MATN2: variants seen among roughly 807,000 people sequenced by gnomAD.
The protein encoded by MATN2 is matrilin-2.
MATN2 carries 69 observed loss-of-function variants against 103.2 expected under a neutral mutation model. The observed-to-expected ratio is 0.67, with a 90% CI of 0.55 to 0.82. The LOEUF (loss-of-function observed/expected upper bound fraction) is 0.82, where lower values mean the gene tolerates loss of function less well. MATN2 is among the 40% of genes least tolerant of loss of function. The pLI is 0.00. For missense variants in MATN2, 1,023 were observed against 1,211.5 expected (o/e 0.84, Z 2.31); for synonymous variants, 429 against 450.2 (o/e 0.95, Z 0.60).
chr8:97,984,879 C>A (rs549639941), intron 6 of MATN2, among the ~76,000 whole-genome samples: 1 of 152,244 alleles, frequency 6.6e-6, no homozygotes, highest in Non-Finnish European at 1.5e-5. Flanking sequence ...GAGAATACTA[C>A]AGGTCTCAAC....
intron 13 of MATN2, chr8:98,024,872 T>C (rs1586168789): frequency 6.6e-6 from 1 of 152,206 alleles, no homozygotes; most frequent in South Asian, 2.1e-4. Flanking sequence ...AGTGGGGCTG[T>C]CCTTCCTGTG....
intron 2 of MATN2, among the ~76,000 whole-genome samples, chr8:97,925,263 ACT>A (rs1809955690): frequency 6.6e-6 from 1 of 152,134 alleles, no homozygotes; most frequent in African/African-American, 2.4e-5. Flanking sequence ...ATTGGCCAAG[ACT>A]CAGCTATTGT....
rs753482533 is a variant in MATN2 at position 98,027,434 on chromosome 8, T to C, written c.1961T>C (p.Ile654Thr). Residue 654 changes from isoleucine (I) to threonine (T), a missense_variant, in exon 14 of 19, where the codon ATT becomes ACT. By Grantham distance (89) the Ile-to-Thr change is moderately conservative. Coordinates refer to ENST00000254898, the MANE Select transcript of MATN2 (RefSeq NM_002380.5). ...RRCKKCTEGP[I>T]DLVFVIDGSK... ...CATATAGAATGCACTGAAGGCCCAA[T>C]TGACCTGGTCTTTGTGATCGATGGA... The C allele has an allele frequency of 1.7e-5, 27 of 1,606,152 alleles. No homozygotes were observed. Among genetic ancestry groups the C allele is most frequent in the Middle Eastern group, 1.7e-4 (1 of 6,042 alleles).
At chr8:98,012,566 C>T (rs1263502599) in intron 10 of MATN2, among the ~76,000 whole-genome samples, 2 of 152,226 alleles carry the variant, frequency 1.3e-5, no homozygotes, top group South Asian at 2.1e-4. Flanking sequence ...GTACTGAATG[C>T]GAGAGGGAGG....
At position 97,888,156 on chromosome 8, in the gene MATN2, T is replaced by C; in HGVS notation, c.56T>C (p.Leu19Pro). The C allele has an allele frequency of 6.2e-7, 1 of 1,609,576 alleles. No individual in the cohort carries two copies. The highest frequency in any genetic ancestry group is 8.5e-7 in the Non-Finnish European group (1 of 1,178,022). Residue 19 changes from leucine to proline, a missense_variant, in exon 2 of 19, where the codon CTC becomes CCC. Coordinates refer to ENST00000254898, the MANE Select transcript of MATN2 (RefSeq NM_002380.5). ...FLLILGQIVLLPAEARERSRG... is the reference protein window; with the variant it reads ...FLLILGQIVLPPAEARERSRG... ...CTGATCCTCGGACAGATCGTCCTCC[T>C]CCCTGCCGAGGCCAGGGAGCGGTCA...
chr8:97,907,398 A>G (rs147020105), intron 2 of MATN2, among the ~76,000 whole-genome samples: 14,292 of 145,356 alleles, frequency 0.098, 983 homozygotes, highest in Admixed American at 0.22. Flanking sequence ...TGCAAGCTCC[A>G]CTTCCCAGGT....
intron 16 of MATN2, 147 bp from the exon 17 acceptor site, chr8:98,032,895 G>C: frequency 1.7e-6 from 1 of 594,670 alleles, no homozygotes; most frequent in Non-Finnish European, 2.7e-6. Flanking sequence ...TTACTCCACT[G>C]AAGATAACAG....
chr8:97,942,014 C>T (rs1810584950), intron 4 of MATN2, 115 bp downstream of exon 4: 10 of 1,294,888 alleles, frequency 7.7e-6, no homozygotes, highest in Non-Finnish European at 1.1e-5. Flanking sequence ...CAGTTATCAT[C>T]CCTTGGGGAC....
chr8:97,985,564 C>T (rs1812165198), intron 6 of MATN2, among the ~76,000 whole-genome samples: 3 of 152,190 alleles, frequency 2.0e-5, no homozygotes, highest in African/African-American at 4.8e-5. Context: ...TTTTCCATGG[C>T]AACTAGTTTC....
chr8:97,889,796 G>A (rs1348561747), intron 2 of MATN2, among the ~76,000 whole-genome samples: 1 of 151,828 alleles, frequency 6.6e-6, no homozygotes, highest in Non-Finnish European at 1.5e-5. Context: ...GGTTTCTGAT[G>A]GGGCTGGTCT....
intron 5 of MATN2, among the ~76,000 whole-genome samples, chr8:97,964,899 A>T (rs1484450921): frequency 1.3e-5 from 2 of 151,176 alleles, no homozygotes; most frequent in Non-Finnish European, 3.0e-5. Context: ...CGTCTGGCTA[A>T]TTTTTTGTAT....
chr8:97,888,267 A>G, intron 2 of MATN2, 25 bp downstream of exon 2: 1 of 1,507,068 alleles, frequency 6.6e-7, no homozygotes. Context: ...TCACCCCCAA[A>G]AGTGGGCAGG....
At chr8:98,017,970 T>G (rs1396667777) in intron 11 of MATN2, 24 bp from the exon 12 acceptor site, 12 of 1,611,716 alleles carry the variant, frequency 7.4e-6, no homozygotes, top group Non-Finnish European at 1.0e-5. Flanking sequence ...TTGAAATTGT[T>G]GTAACTTGCT....
chr8:98,028,732 G>A (rs1385709556), intron 14 of MATN2, among the ~76,000 whole-genome samples: 3 of 152,138 alleles, frequency 2.0e-5, no homozygotes, highest in Admixed American at 1.3e-4. Flanking sequence ...TACTACAGGC[G>A]CCCGCCACCA....
At chr8:98,019,163 G>C (rs1024077619) in intron 12 of MATN2, among the ~76,000 whole-genome samples, 2 of 150,150 alleles carry the variant, frequency 1.3e-5, no homozygotes, top group Admixed American at 6.7e-5. Context: ...TGTATACTAT[G>C]GTCTGTTTCT....
intron 1 of MATN2, among the ~76,000 whole-genome samples, chr8:97,883,887 G>A (rs1434563458): frequency 1.3e-5 from 2 of 152,146 alleles, no homozygotes; most frequent in East Asian, 3.9e-4. Flanking sequence ...ACAGGGTTTT[G>A]CCATGTTGCC....
At chr8:97,872,426 T>C (rs989777924) in intron 1 of MATN2, among the ~76,000 whole-genome samples, 2 of 152,228 alleles carry the variant, frequency 1.3e-5, no homozygotes, top group Admixed American at 1.3e-4. Flanking sequence ...GTTGTTGTAT[T>C]AGTTGCCTAT....
chr8:97,929,740 C>A (rs986763995), intron 2 of MATN2, among the ~76,000 whole-genome samples: 3 of 152,162 alleles, frequency 2.0e-5, no homozygotes, highest in Non-Finnish European at 4.4e-5. Flanking sequence ...CCACTACTGT[C>A]CTAGGATTAG....
chr8:97,875,682 A>G (rs1274277953), intron 1 of MATN2, among the ~76,000 whole-genome samples: 1 of 114,072 alleles, frequency 8.8e-6, no homozygotes, highest in African/African-American at 3.3e-5. Flanking sequence ...TGTGTAGAGT[A>G]TTTGCCTGTT....
Sources: allele counts gnomAD v4.1 joint callset (sites outside exome capture counted in the v4.1 genomes callset), GRCh38; gene constraint gnomAD v4.1.1; transcripts MANE v1.5; gene names NCBI Gene and HGNC (gene_info 2026-07-23, HGNC 2026-07-21).